Variants in CPSF3 observed in about 807,000 individuals in gnomAD.
The protein encoded by CPSF3 is cleavage and polyadenylation specific factor 3, also known as cleavage and polyadenylation specificity factor subunit 3.
Under a neutral mutation model 84.1 loss-of-function variants are expected in CPSF3, and 57 were observed. The observed-to-expected ratio is 0.68, with a 90% CI of 0.55 to 0.85. The LOEUF is 0.85. CPSF3 is among the 40% of genes least tolerant of loss of function. The pLI, the probability that CPSF3 is intolerant of heterozygous loss-of-function variation, is 0.00. For missense variants in CPSF3, 522 were observed against 838.8 expected, an observed-to-expected ratio of 0.62 and a Z score of 4.66; for synonymous variants, 275 against 278.1, an observed-to-expected ratio of 0.99 and a Z score of 0.11.
At chr2:9,472,881 TAA>T (rs1295811363) in intron 17 of CPSF3, 33 bp from the exon 18 acceptor site, 16 of 1,310,338 alleles carry the variant, frequency 1.2e-5, no homozygotes, top group Non-Finnish European at 1.8e-5. Context: ...ATTATAGACT[TAA>T]TTCTAACAGT....
chr2:9,460,754 C>T (rs1288286229), intron 15 of CPSF3, among the ~76,000 whole-genome samples: 1 of 150,954 alleles, frequency 6.6e-6, no homozygotes, highest in African/African-American at 2.4e-5. Context: ...TCAAATGATC[C>T]TCTCACGTCA....
Position 9,456,923 on chromosome 2 carries a change from T to A in CPSF3, c.1604-10T>A, listed in dbSNP as rs962743769. On this transcript the variant is annotated splice_polypyrimidine_tract_variant and intron_variant, in intron 13 of 17. Transcript: ENST00000238112. Reference sequence around the variant, plus strand: ...AGTATATACATCTTATAGTTATGTCTTTCTTTCAGGTGATGTGGAAGAATT... The same window carrying A: ...AGTATATACATCTTATAGTTATGTCATTCTTTCAGGTGATGTGGAAGAATT... 2.0e-6 allele frequency: 3 copies of A among 1,518,648 alleles called. No individual in the cohort carries two copies. Among genetic ancestry groups the A allele is most frequent in the Non-Finnish European group, 1.8e-6 (2 of 1,105,308 alleles). 94.1% of individuals were successfully genotyped at this position (1,518,648 alleles called of 1,614,324 possible).
chr2:9,467,987 G>A, intron 16 of CPSF3: 1 of 467,696 alleles, frequency 2.1e-6, no homozygotes. Flanking sequence ...TCAGCCGTTT[G>A]TGTTTCATTT....
chr2:9,464,454 A>C (rs1212619393), intron 15 of CPSF3, among the ~76,000 whole-genome samples: 1 of 152,082 alleles, frequency 6.6e-6, no homozygotes, highest in Non-Finnish European at 1.5e-5. Context: ...TTGTTTTTAC[A>C]TGTCAATTAA....
intron 5 of CPSF3, 95 bp from the exon 6 acceptor site, chr2:9,433,776 G>A (rs995238830): frequency 1.3e-6 from 1 of 796,692 alleles, no homozygotes; most frequent in African/African-American, 1.7e-5. Flanking sequence ...CTTAAAAACT[G>A]TAACTGCACT....
chr2:9,459,760 C>T, intron 15 of CPSF3, 142 bp downstream of exon 15: 1 of 516,154 alleles, frequency 1.9e-6, no homozygotes, highest in South Asian at 2.2e-5. Context: ...AGCAATTCTC[C>T]TGCCTCAGCC....
chr2:9,433,816 T>C (rs1367653765), intron 5 of CPSF3, 55 bp from the exon 6 acceptor site: 1 of 1,215,294 alleles, frequency 8.2e-7, no homozygotes, highest in Non-Finnish European at 1.2e-6. Flanking sequence ...ATCTATTCAC[T>C]AGCAAAATGA....
chr2:9,441,675 A>G, intron 8 of CPSF3, 143 bp from the exon 9 acceptor site: 1 of 837,852 alleles, frequency 1.2e-6, no homozygotes. Context: ...TTGGCAACTG[A>G]ACTTAAAATG....
chr2:9,468,951 TA>T (rs959034736), intron 16 of CPSF3, among the ~76,000 whole-genome samples: 4 of 151,364 alleles, frequency 2.6e-5, no homozygotes, highest in South Asian at 2.1e-4. Flanking sequence ...TTAGTGGCTT[TA>T]AAAAAAAATG....
chr2:9,452,031 T>A (rs998878529), intron 11 of CPSF3, among the ~76,000 whole-genome samples: 1 of 152,080 alleles, frequency 6.6e-6, no homozygotes, highest in African/African-American at 2.4e-5. Flanking sequence ...TGAAACTTTT[T>A]AAAAATGAAT....
At chr2:9,452,437 C>T (rs1681365929) in intron 11 of CPSF3, among the ~76,000 whole-genome samples, 1 of 151,986 alleles carries the variant, frequency 6.6e-6, no homozygotes, top group Non-Finnish European at 1.5e-5. Context: ...ATGAGCTCAC[C>T]CATAACCTGT....
rs978963264 is a variant in CPSF3, at chr2:9,436,200, G to A, written c.610-11G>A. 4 of 1,577,840 alleles carry A rather than the reference G, an allele frequency of 2.5e-6. No homozygotes were observed. The highest frequency in any genetic ancestry group is 2.6e-6 in the Non-Finnish European group (3 of 1,163,410). On this transcript the variant is annotated splice_polypyrimidine_tract_variant and intron_variant, in intron 6 of 17. Coordinates refer to ENST00000238112, the MANE Select transcript of CPSF3 (RefSeq NM_016207.4). ...TTGGTCTTAGTCTCACACTTCTAAT[G>A]TATTATTTAGGAATCTACTTATGGG... is the stretch of plus-strand genomic sequence containing the variant.
At chr2:9,456,552 CT>C (rs539052560) in intron 13 of CPSF3, among the ~76,000 whole-genome samples, 36 of 152,286 alleles carry the variant, frequency 2.4e-4, no homozygotes, top group East Asian at 1.2e-3. Flanking sequence ...TAGAATTCCG[CT>C]GTAGAATGTT....
At chr2:9,446,618 G>A (rs955127071) in intron 10 of CPSF3, among the ~76,000 whole-genome samples, 1 of 151,310 alleles carries the variant, frequency 6.6e-6, no homozygotes, top group Non-Finnish European at 1.5e-5. Context: ...AATTAGGTAG[G>A]CATGGTGGTT....
In CPSF3 at chr2:9,455,643, C is replaced by T. The variant is rs1362547769; in HGVS notation, c.1505-16C>T. 6.3e-7 allele frequency: 1 copy of T among 1,587,298 alleles called. No homozygotes were observed. Among genetic ancestry groups the T allele is most frequent in the Admixed American group, 1.7e-5 (1 of 59,074 alleles). On this transcript the variant is annotated splice_polypyrimidine_tract_variant and intron_variant, in intron 12 of 17. Transcript: ENST00000238112. ...GGACTAGTATTTCTTCAAGTCTCTT[C>T]TCATTTTCTCTTCAGATTATACTGA... is the stretch of plus-strand genomic sequence containing the variant.
chr2:9,466,182 A>G (rs1241349964), intron 15 of CPSF3, among the ~76,000 whole-genome samples: 8 of 43,716 alleles, frequency 1.8e-4, no homozygotes, highest in South Asian at 6.4e-4. Flanking sequence ...CTCTACACGC[A>G]CACACACACG....
chr2:9,438,446 G>T (rs1386082752), intron 7 of CPSF3, among the ~76,000 whole-genome samples: 1 of 150,748 alleles, frequency 6.6e-6, no homozygotes, highest in African/African-American at 2.4e-5. Context: ...TTTAGGTTCA[G>T]ATAAATAATG....
chr2:9,459,178 T>TATAC (rs1351228330), intron 14 of CPSF3, among the ~76,000 whole-genome samples: 1 of 152,168 alleles, frequency 6.6e-6, no homozygotes, highest in Non-Finnish European at 1.5e-5. Flanking sequence ...AATATAAGCA[T>TATAC]TAGGAATTTG....
intron 1 of CPSF3, among the ~76,000 whole-genome samples, chr2:9,426,528 T>C (rs769927501): frequency 5.9e-5 from 9 of 152,158 alleles, no homozygotes; most frequent in Non-Finnish European, 1.2e-4. Context: ...GGGTTACAAA[T>C]ACAGGCTTGG....
Sources: allele counts gnomAD v4.1 joint callset (sites outside exome capture counted in the v4.1 genomes callset), GRCh38; gene constraint gnomAD v4.1.1; transcripts MANE v1.5; gene names NCBI Gene and HGNC (gene_info 2026-07-23, HGNC 2026-07-21).